KMT2D: variants seen among roughly 807,000 people sequenced by gnomAD.
KMT2D encodes the protein lysine methyltransferase 2D, also known as histone-lysine N-methyltransferase 2D.
KMT2D carries 55 observed loss-of-function variants against 512.7 expected under a neutral mutation model. That is an observed-to-expected ratio of 0.11 (90% CI 0.09 to 0.13). The LOEUF (loss-of-function observed/expected upper bound fraction) is 0.13. Among genes scored for constraint, KMT2D ranks in the 10% least tolerant of loss-of-function variants. The pLI, the probability that KMT2D is intolerant of heterozygous loss-of-function variation, is 1.00. For missense variants in KMT2D, 6,061 were observed against 7,127.9 expected (o/e 0.85, Z 5.39); for synonymous variants, 2,995 against 2,904.0 (o/e 1.03, Z -1.01).
chr12:49,051,233 G>T lies in KMT2D; in HGVS notation c.2450C>A (p.Pro817His), dbSNP rs1431964155. Reference sequence around the variant, plus strand: ...GGACAAGCATGGCTCCTCAGGCACAGGAGACAGGTGCGGCTCCTCAGTCTG... The same window carrying T: ...GGACAAGCATGGCTCCTCAGGCACATGAGACAGGTGCGGCTCCTCAGTCTG... ...SPQTEEPHLS[P>H]VPEEPCLSPQ... The change falls in exon 11 of 55, where the codon CCT becomes CAT. Residue 817 changes from proline to histidine, a missense_variant. Pro to His is a moderately conservative substitution (Grantham distance 77, BLOSUM62 -2). Coordinates refer to ENST00000301067, the MANE Select transcript of KMT2D (RefSeq NM_003482.4). The T allele has an allele frequency of 1.3e-6, 2 of 1,529,150 alleles. No homozygotes were observed. Among genetic ancestry groups the T allele is most frequent in the South Asian group, 1.3e-5 (1 of 77,912 alleles). The allele number at this position is 1,529,150 out of a possible 1,614,324, so 94.7% of individuals were successfully genotyped here. A position where few individuals can be genotyped will look rare whatever the true frequency, so the allele number is the denominator to read the frequency against.
Position 49,032,237 on chromosome 12 carries a change from T to C in KMT2D, c.12468A>G (p.Gln4156=), listed in dbSNP as rs1483301601. The change falls in exon 40 of 55, where the codon CAA becomes CAG. Residue 4156 remains glutamine (Q), a synonymous_variant. Transcript: ENST00000301067. ...GSMTQNLLGP[Q]QPMLERPMQN... The stretch of plus-strand genomic sequence containing the variant: ...GCATGGGCCGCTCTAGCATGGGCTG[T>C]TGGGGGCCCAGAAGGTTCTGGGTCA... 6.8e-6 allele frequency: 11 copies of C among 1,613,830 alleles called. No homozygotes were observed. The highest frequency in any genetic ancestry group is 1.3e-5 in the African/African-American group (1 of 75,048).
Position 49,046,134 on chromosome 12 carries a change from C to A in KMT2D, c.4624G>T (p.Asp1542Tyr), listed in dbSNP as rs1433378692. Residue 1542 changes from aspartate (D) to tyrosine (Y), a missense_variant, in exon 18 of 55, where the codon GAT becomes TAT. Around this residue, in one of 16 missense-constraint regions of KMT2D, gnomAD observed 640 missense variants for 814.3 expected, o/e 0.79. Coordinates refer to ENST00000301067, the MANE Select transcript of KMT2D (RefSeq NM_003482.4). This position sits in a 1 kb window ranked among gnomAD's most constrained non-coding sequence, Gnocchi z 4.2. ...AGCESLFTED[D>Y]VEQAADEGFD... ...CCTTCATCGGCTGCCTGCTCCACAT[C>A]GTCCTCTGTGAAGAGGCTCTCACAG... 1 of 1,610,818 alleles carries A rather than the reference C, an allele frequency of 6.2e-7. No individual in the cohort carries two copies. Among genetic ancestry groups the A allele is most frequent in the Non-Finnish European group, 8.5e-7 (1 of 1,178,462 alleles).
rs2120642728 is a variant in KMT2D, at chr12:49,049,914, G to A, written c.3674C>T (p.Pro1225Leu). 3.1e-6 allele frequency: 5 copies of A among 1,613,926 alleles called. No homozygotes were observed. Among genetic ancestry groups the A allele is most frequent in the South Asian group, 1.1e-5 (1 of 91,090 alleles). The change falls in exon 12 of 55, where the codon CCC (proline) becomes CTC (leucine). Residue 1225 changes from proline (P) to leucine (L), a missense_variant. Pro to Leu is a moderately conservative substitution (Grantham distance 98). Around this residue, in one of 16 missense-constraint regions of KMT2D, gnomAD observed 447 missense variants for 500.1 expected, o/e 0.89. Coordinates refer to ENST00000301067, the MANE Select transcript of KMT2D (RefSeq NM_003482.4). ...CTCCGGGTCTGGAGAGCCCAGGAGG[G>A]GCTCTGAGCCAGGAAAACTGGCACT... Reference protein sequence around the residue: ...DASASFPGSEPLLGSPDPEGG... With the variant: ...DASASFPGSELLLGSPDPEGG...
chr12:49,052,614 G>C lies in KMT2D; in HGVS notation c.1208C>G (p.Ser403Cys). The change falls in exon 10 of 55, where the codon TCT (serine) becomes TGT (cysteine). Residue 403 changes from serine (S) to cysteine (C), a missense_variant. Physicochemically the swap from Ser to Cys is moderately radical, Grantham distance 112. Around this residue, in one of 16 missense-constraint regions of KMT2D, gnomAD observed 848 missense variants for 838.5 expected, o/e 1.01. Transcript: ENST00000301067. ...QGQPKGGHVT[S>C]MQPKEPGPLQ... ...GGGCCCTGGTTCCTTGGGTTGCATA[G>C]AGGTCACGTGCCCACCCTTTGGCTG... is the stretch of plus-strand genomic sequence containing the variant. The C allele has an allele frequency of 1.2e-6, 2 of 1,613,552 alleles. No homozygotes were observed. The highest frequency in any genetic ancestry group is 2.2e-5 in the South Asian group (2 of 91,006).
In KMT2D at chr12:49,049,163, C is replaced by T. The variant is rs1365484135; in HGVS notation, c.3962G>A (p.Gly1321Glu). 6.2e-7 allele frequency: 1 copy of T among 1,611,966 alleles called. No individual in the cohort carries two copies. Among genetic ancestry groups the T allele is most frequent in the Non-Finnish European group, 8.5e-7 (1 of 1,178,984 alleles). ...TAGCCGGGCCCGTCCTCTACCACGT[C>T]CTCCATGGGCTCCTCCACGAGGCCG... ...RRRPRGGAHG[G>E]RGRGRARLKS... Residue 1321 changes from glycine to glutamate, a missense_variant, in exon 13 of 55, where the codon GGA (glycine) becomes GAA (glutamate). Coordinates refer to ENST00000301067, the MANE Select transcript of KMT2D (RefSeq NM_003482.4).
Position 49,055,812 on chromosome 12 carries a change from A to G in KMT2D, c.-37-451T>C, listed in dbSNP as rs146866485. Among the ~76,000 whole-genome samples the G allele has an allele frequency of 3.9e-4, 59 of 152,314 alleles. No homozygotes were observed. In the East Asian group the frequency reaches 0.011, roughly 28 times the overall value. On this transcript the variant is annotated intron_variant, in intron 1 of 54. Transcript: ENST00000301067. ...GGGTAGTCATGACCCAGGAAGCCTG[A>G]GTCCAGCAAAAATCCCTCTCCCAGA... is the stretch of plus-strand genomic sequence containing the variant.
chr12:49,019,797 TAAA>T lies in KMT2D; in HGVS notation c.*1980_*1982del, dbSNP rs879897260. 1.5e-5 allele frequency: 3 copies of T among 197,692 alleles called. No homozygotes were observed. The highest frequency in any genetic ancestry group is 7.1e-5 in the African/African-American group (3 of 42,410). The allele number at this position is 197,692 out of a possible 1,614,324, so 12.2% of individuals were successfully genotyped here. A position where few individuals can be genotyped will look rare whatever the true frequency, so the allele number is the denominator to read the frequency against. ...CTTGAAACAGTTGAGGAAGCAGCTTTAAAAAAAAAAAATCTCCCTACCCCCAAC... is the reference window on the plus strand; with the variant it reads ...CTTGAAACAGTTGAGGAAGCAGCTTTAAAAAAAAATCTCCCTACCCCCAAC... On this transcript the variant is annotated 3_prime_UTR_variant, in exon 55 of 55. Coordinates refer to ENST00000301067, the MANE Select transcript of KMT2D (RefSeq NM_003482.4).
chr12:49,043,585 G>A (rs2120570462), intron 24 of KMT2D, 50 bp downstream of exon 24: 2 of 1,608,782 alleles, frequency 1.2e-6, no homozygotes, highest in African/African-American at 1.3e-5. Context: ...CAGCTCCTAA[G>A]CCAGAAGAAA....
rs374694639 is a variant in KMT2D at position 49,026,531 on chromosome 12, C to T, written c.15435G>A (p.Glu5145=). The T allele has an allele frequency of 9.9e-5, 159 of 1,613,894 alleles. No individual in the cohort carries two copies. Among genetic ancestry groups the T allele is most frequent in the Non-Finnish European group, 1.3e-4 (152 of 1,179,910 alleles). ...GCCGGAAGACAGCAAAAGAGCTCAGCTCTTGCTCACAGGGCCCCTTGATCT... is the reference window on the plus strand; with the variant it reads ...GCCGGAAGACAGCAAAAGAGCTCAGTTCTTGCTCACAGGGCCCCTTGATCT... The part of the protein sequence containing the change: ...MHKIKGPCEQ[E]LSSFAVFRRV... The change falls in exon 49 of 55, where the codon GAG becomes GAA. Residue 5145 remains glutamate, a synonymous_variant. Coordinates refer to ENST00000301067, the MANE Select transcript of KMT2D (RefSeq NM_003482.4). The surrounding 1 kb of genome is among the most constrained non-coding windows in gnomAD (Gnocchi z 9.6).
rs1942158484 is a variant in KMT2D, at chr12:49,019,076, A to G, written c.*2704T>C. 8.0e-7 allele frequency: 1 copy of G among 1,255,940 alleles called. No homozygotes were observed. Among genetic ancestry groups the G allele is most frequent in the Non-Finnish European group, 1.0e-6 (1 of 995,600 alleles). The allele number at this position is 1,255,940 out of a possible 1,614,324, so 77.8% of individuals were successfully genotyped here. A position where few individuals can be genotyped will look rare whatever the true frequency, so the allele number is the denominator to read the frequency against. On this transcript the variant is annotated 3_prime_UTR_variant, in exon 55 of 55. Coordinates refer to ENST00000301067, the MANE Select transcript of KMT2D (RefSeq NM_003482.4). The stretch of plus-strand genomic sequence containing the variant: ...TGCCTCTCGCAACATAAATATGTAC[A>G]GTTCAGAATGATCGCTGATACAAAA...
Position 49,050,905 on chromosome 12 carries a change from C to G in KMT2D, c.2778G>C (p.Ser926=), listed in dbSNP as rs1319678504. 6.5e-7 allele frequency: 1 copy of G among 1,534,776 alleles called. No individual in the cohort carries two copies. Among genetic ancestry groups the G allele is most frequent in the Middle Eastern group, 1.8e-4 (1 of 5,686 alleles). ...CCTTACCTGGTGGCATCAGCTGAGGCGACAAGGATGGCTCCCCAGATGGGG... is the reference window on the plus strand; with the variant it reads ...CCTTACCTGGTGGCATCAGCTGAGGGGACAAGGATGGCTCCCCAGATGGGG... ...PLSPSGEPSL[S]PQLMPPDPLP... is the part of the protein sequence containing the mutation. The change falls in exon 11 of 55, where the codon TCG becomes TCC. Residue 926 remains serine (S), a synonymous_variant. Transcript: ENST00000301067.
chr12:49,030,407 C>T lies in KMT2D; in HGVS notation c.13872G>A (p.Ser4624=), dbSNP rs1440232605. Residue 4624 remains serine, a synonymous_variant, in exon 43 of 55, where the codon TCG becomes TCA. Coordinates refer to ENST00000301067, the MANE Select transcript of KMT2D (RefSeq NM_003482.4). Reference sequence around the variant, plus strand: ...ATGGGGGTGGGGTGGGGGGCAGCGACGAGGGTGGTGTCGGCGGGTTACTCA... The same window carrying T: ...ATGGGGGTGGGGTGGGGGGCAGCGATGAGGGTGGTGTCGGCGGGTTACTCA... ...NNLSNPPTPP[S]SLPPTPPPSV... The T allele has an allele frequency of 1.3e-6, 2 of 1,518,776 alleles. No individual in the cohort carries two copies. The highest frequency in any genetic ancestry group is 1.8e-6 in the Non-Finnish European group (2 of 1,127,754). The allele number at this position is 1,518,776 out of a possible 1,614,324, so 94.1% of individuals were successfully genotyped here.
Position 49,041,932 on chromosome 12 carries a change from G to C in KMT2D, c.6168C>G (p.Asp2056Glu). Residue 2056 changes from aspartate (D) to glutamate (E), a missense_variant, in exon 30 of 55, where the codon GAC (aspartate) becomes GAG (glutamate). Asp to Glu is a conservative substitution (Grantham distance 45). Coordinates refer to ENST00000301067, the MANE Select transcript of KMT2D (RefSeq NM_003482.4). The surrounding 1 kb of genome is among the most constrained non-coding windows in gnomAD (Gnocchi z 5.4). Reference sequence around the variant, plus strand: ...TCTGCCTCACCAGGTAGGGGGCTTTGTCAGCTGCTGGAACCTTTCTCCAGA... The same window carrying C: ...TCTGCCTCACCAGGTAGGGGGCTTTCTCAGCTGCTGGAACCTTTCTCCAGA... ...MKLWRKVPAADKAPYLQKAKD... is the reference protein window; with the variant it reads ...MKLWRKVPAAEKAPYLQKAKD... The C allele has an allele frequency of 1.9e-6, 3 of 1,607,886 alleles. No homozygotes were observed. Among genetic ancestry groups the C allele is most frequent in the Non-Finnish European group, 2.5e-6 (3 of 1,176,840 alleles).
rs1479245333 is a variant in KMT2D at position 49,060,553 on chromosome 12, G to A, written c.-978C>T. Among the ~76,000 whole-genome samples the A allele has an allele frequency of 6.6e-6, 1 of 152,206 alleles. No homozygotes were observed. The highest frequency in any genetic ancestry group is 2.4e-5 in the African/African-American group (1 of 41,458). The stretch of plus-strand genomic sequence containing the variant: ...AAAGTGGGGAACGAGGCAGCCATTT[G>A]CAACCGGAGAGGAAAGTAGTGCAGC... On this transcript the variant is annotated 5_prime_UTR_variant, in exon 1 of 55. Coordinates refer to ENST00000301067, the MANE Select transcript of KMT2D (RefSeq NM_003482.4).
rs1222774694 is a variant in KMT2D, at chr12:49,031,872, C to A, written c.12833G>T (p.Gly4278Val). 5 of 1,534,770 alleles carry A rather than the reference C, an allele frequency of 3.3e-6. No individual in the cohort carries two copies. Among genetic ancestry groups the A allele is most frequent in the Non-Finnish European group, 3.5e-6 (4 of 1,142,782 alleles). ...TGGGCCCTGAGGTCGAGGCCCTGCC[C>A]CTAGCTCCTGGAGGGGGCCTGTCTG... ...GPQTGPLQELGAGPRPQGPPR... is the reference protein window; with the variant it reads ...GPQTGPLQELVAGPRPQGPPR... The change falls in exon 40 of 55, where the codon GGG becomes GTG. Residue 4278 changes from glycine (G) to valine (V), a missense_variant. Coordinates refer to ENST00000301067, the MANE Select transcript of KMT2D (RefSeq NM_003482.4).
rs1937819884 is a variant in KMT2D, at chr12:49,049,814, C to G, written c.3774G>C (p.Arg1258=). The change falls in exon 12 of 55, where the codon CGG becomes CGC. Residue 1258 remains arginine (R), a synonymous_variant. Transcript: ENST00000301067. ...VSPARDEGSL[R]LCTDSLPETD... is the part of the protein sequence containing the mutation. ...TCTCTGGCAGTGAGTCAGTACAGAG[C>G]CGTAGGGAGCCCTCATCTCGGGCTG... 2 of 1,613,832 alleles carry G rather than the reference C, an allele frequency of 1.2e-6. No homozygotes were observed. The highest frequency in any genetic ancestry group is 1.3e-5 in the African/African-American group (1 of 74,930).
chr12:49,023,768 C>G (rs1942438225), intron 51 of KMT2D, among the ~76,000 whole-genome samples: 1 of 152,052 alleles, frequency 6.6e-6, no homozygotes, highest in South Asian at 2.1e-4. Flanking sequence ...GTTTGAAAAC[C>G]ACCATTGCAG....
In KMT2D at chr12:49,038,047, A is replaced by G; in HGVS notation, c.9309T>C (p.Ala3103=). 6.2e-7 allele frequency: 1 copy of G among 1,612,158 alleles called. No individual in the cohort carries two copies. Among genetic ancestry groups the G allele is most frequent in the East Asian group, 2.2e-5 (1 of 44,840 alleles). ...PLGPEERPPP[A]ADASEPRLAS... is the part of the protein sequence containing the mutation. ...CCAGGCGGGGTTCAGAGGCATCAGC[A>G]GCAGGGGGAGGGCGCTCCTCAGGGC... Residue 3103 remains alanine (A), a synonymous_variant, in exon 35 of 55, where the codon GCT becomes GCC. Coordinates refer to ENST00000301067, the MANE Select transcript of KMT2D (RefSeq NM_003482.4). The surrounding 1 kb of genome is among the most constrained non-coding windows in gnomAD (Gnocchi z 5.7).
chr12:49,021,659 G>T lies in KMT2D; in HGVS notation c.*121C>A. On this transcript the variant is annotated 3_prime_UTR_variant, in exon 55 of 55. Transcript: ENST00000301067. Reference sequence around the variant, plus strand: ...CCAGCCTCCTGCTCCAGGGGCTCCGGGTCAGCCGGCAGCCCCAACCCTGGG... The same window carrying T: ...CCAGCCTCCTGCTCCAGGGGCTCCGTGTCAGCCGGCAGCCCCAACCCTGGG... The T allele has an allele frequency of 1.2e-6, 1 of 828,130 alleles. No individual in the cohort carries two copies. The highest frequency in any genetic ancestry group is 1.9e-6 in the Non-Finnish European group (1 of 523,180). 51.3% of individuals were successfully genotyped at this position (828,130 alleles called of 1,614,324 possible). A position where few individuals can be genotyped will look rare whatever the true frequency, so the allele number is the denominator to read the frequency against.
Sources: allele counts gnomAD v4.1 joint callset (sites outside exome capture counted in the v4.1 genomes callset), GRCh38; gene constraint gnomAD v4.1.1; regional missense constraint gnomAD v4.1.1; non-coding constraint Gnocchi (gnomAD v3.1); transcripts MANE v1.5; gene names NCBI Gene and HGNC (gene_info 2026-07-23, HGNC 2026-07-21).